The following RNASEH2C variants were observed in gnomAD, a reference collection of about 807,000 sequenced individuals.
RNASEH2C encodes the protein ribonuclease H2 subunit C.
Under a neutral mutation model 16.3 loss-of-function variants are expected in RNASEH2C, and 20 were observed. That is an observed-to-expected ratio of 1.23 (90% CI 0.86 to 1.79). RNASEH2C has a LOEUF of 1.79. RNASEH2C is among the 40% of genes most tolerant of loss of function. RNASEH2C has a pLI of 0.00. For missense variants in RNASEH2C, 296 were observed against 235.9 expected (o/e 1.25, Z -1.67); for synonymous variants, 106 against 98.9 (o/e 1.07, Z -0.43).
chr11:65,718,666 T>C lies in RNASEH2C; in HGVS notation c.*1117A>G, dbSNP rs773497425. On this transcript the variant is annotated 3_prime_UTR_variant, in exon 4 of 4. Transcript: ENST00000308418. ...TCTCAGACCTTGGCCTCCTATCCTA[T>C]CGAAGCTACTGGTCCCAGACCATCC... 1 of 1,614,136 alleles carries C rather than the reference T, an allele frequency of 6.2e-7. No homozygotes were observed. Among genetic ancestry groups the C allele is most frequent in the Non-Finnish European group, 8.5e-7 (1 of 1,180,024 alleles).
At position 65,718,485 on chromosome 11, in the gene RNASEH2C, G is replaced by A. The variant is rs1857282050; in HGVS notation, c.*1298C>T. On this transcript the variant is annotated 3_prime_UTR_variant, in exon 4 of 4. Coordinates refer to ENST00000308418, the MANE Select transcript of RNASEH2C (RefSeq NM_032193.4). ...GGGCATAGAACTGCCAAGTGGCAGGGCCATGATAGGAACTAGGCAGCCTGC... is the reference window on the plus strand; with the variant it reads ...GGGCATAGAACTGCCAAGTGGCAGGACCATGATAGGAACTAGGCAGCCTGC... 1.7e-6 allele frequency: 2 copies of A among 1,174,720 alleles called. No homozygotes were observed. Among genetic ancestry groups the A allele is most frequent in the Non-Finnish European group, 2.4e-6 (2 of 820,630 alleles). The allele number at this position is 1,174,720 out of a possible 1,614,324, so 72.8% of individuals were successfully genotyped here.
chr11:65,720,355 G>C lies in RNASEH2C; in HGVS notation c.235C>G (p.Leu79Val), dbSNP rs1857352526. 8 of 1,614,238 alleles carry C rather than the reference G, an allele frequency of 5.0e-6. No homozygotes were observed. The highest frequency in any genetic ancestry group is 6.8e-6 in the Non-Finnish European group (8 of 1,180,038). Reference sequence around the variant, plus strand: ...TCTGTCACCATCACGTATCCCACGAGGCCAGGCGGCACCGCCACCTCCTCT... The same window carrying C: ...TCTGTCACCATCACGTATCCCACGACGCCAGGCGGCACCGCCACCTCCTCT... ...RGEEVAVPPG[L>V]VGYVMVTEEK... The change falls in exon 2 of 4, where the codon CTC becomes GTC. Residue 79 changes from leucine (L) to valine (V), a missense_variant. By Grantham distance (32) the Leu-to-Val change is conservative (BLOSUM62 1). Coordinates refer to ENST00000308418, the MANE Select transcript of RNASEH2C (RefSeq NM_032193.4).
At position 65,720,434 on chromosome 11, in the gene RNASEH2C, A is replaced by C. The variant is rs1241089363; in HGVS notation, c.173-17T>G. 1 of 1,612,568 alleles carries C rather than the reference A, an allele frequency of 6.2e-7. No individual in the cohort carries two copies. Among genetic ancestry groups the C allele is most frequent in the Non-Finnish European group, 8.5e-7 (1 of 1,180,000 alleles). On this transcript the variant is annotated splice_polypyrimidine_tract_variant and intron_variant, in intron 1 of 3. Transcript: ENST00000308418. Reference sequence around the variant, plus strand: ...CTTCGAGTCCTGGAGCGGGAGGCGCAAAGGGCCTCAGGCAGGACCCACGCT... The same window carrying C: ...CTTCGAGTCCTGGAGCGGGAGGCGCCAAGGGCCTCAGGCAGGACCCACGCT...
Position 65,719,563 on chromosome 11 carries a change from T to A in RNASEH2C, c.*220A>T, listed in dbSNP as rs1710570105. The A allele has an allele frequency of 1.6e-6, 1 of 636,678 alleles. No individual in the cohort carries two copies. Among genetic ancestry groups the A allele is most frequent in the African/African-American group, 1.8e-5 (1 of 54,518 alleles). 39.4% of individuals were successfully genotyped at this position (636,678 alleles called of 1,614,324 possible). On this transcript the variant is annotated 3_prime_UTR_variant, in exon 4 of 4. Coordinates refer to ENST00000308418, the MANE Select transcript of RNASEH2C (RefSeq NM_032193.4). ...TGGCTGCAAAAATTTCTGGCTTCTC[T>A]TACCCCTATTGCCCCCGGCAATAAA... is the stretch of plus-strand genomic sequence containing the variant.
Position 65,718,506 on chromosome 11 carries a change from C to T in RNASEH2C, c.*1277G>A, listed in dbSNP as rs1030290315. 5.5e-6 allele frequency: 8 copies of T among 1,450,378 alleles called. No homozygotes were observed. Among genetic ancestry groups the T allele is most frequent in the Admixed American group, 1.9e-5 (1 of 53,586 alleles). 89.8% of individuals were successfully genotyped at this position (1,450,378 alleles called of 1,614,324 possible). On this transcript the variant is annotated 3_prime_UTR_variant, in exon 4 of 4. Coordinates refer to ENST00000308418, the MANE Select transcript of RNASEH2C (RefSeq NM_032193.4). ...CAGGGCCATGATAGGAACTAGGCAG[C>T]CTGCCTTGGCAACCTGTGTTTTTAA...
At position 65,719,241 on chromosome 11, in the gene RNASEH2C, C is replaced by A; in HGVS notation, c.*542G>T. The A allele has an allele frequency of 1.3e-6, 2 of 1,578,948 alleles. No homozygotes were observed. Among genetic ancestry groups the A allele is most frequent in the South Asian group, 1.1e-5 (1 of 87,796 alleles). ...CAGGACTGGGGCTGATAGCCCACCCCGCCCCCACTGCAGCTCCCACAAAGC... is the reference window on the plus strand; with the variant it reads ...CAGGACTGGGGCTGATAGCCCACCCAGCCCCCACTGCAGCTCCCACAAAGC... On this transcript the variant is annotated 3_prime_UTR_variant, in exon 4 of 4. Coordinates refer to ENST00000308418, the MANE Select transcript of RNASEH2C (RefSeq NM_032193.4).
chr11:65,718,856 C>A lies in RNASEH2C; in HGVS notation c.*927G>T. The A allele has an allele frequency of 6.2e-7, 1 of 1,613,998 alleles. No homozygotes were observed. Among genetic ancestry groups the A allele is most frequent in the Non-Finnish European group, 8.5e-7 (1 of 1,179,866 alleles). ...AGATAAAGGTCCTCAGGGAACCTGACCTGTGCTCTCCCACAGTGAGATTAG... is the reference window on the plus strand; with the variant it reads ...AGATAAAGGTCCTCAGGGAACCTGAACTGTGCTCTCCCACAGTGAGATTAG... On this transcript the variant is annotated 3_prime_UTR_variant, in exon 4 of 4. Coordinates refer to ENST00000308418, the MANE Select transcript of RNASEH2C (RefSeq NM_032193.4).
In RNASEH2C at chr11:65,719,808, A is replaced by G. The variant is rs769367289; in HGVS notation, c.470T>C (p.Ile157Thr). Residue 157 changes from isoleucine to threonine, a missense_variant and splice_region_variant, in exon 4 of 4, where the codon ATT (isoleucine) becomes ACT (threonine). By Grantham distance (89) the Ile-to-Thr change is moderately conservative. Transcript: ENST00000308418. ...TCAGTCCTCGGGCACCTGTGCGTGA[A>G]TCTGCAACAGGAGTCGCCTCTACTG... ...ALTWPSLAAA[I>T]HAQVPED The G allele has an allele frequency of 6.2e-7, 1 of 1,614,138 alleles. No homozygotes were observed. Among genetic ancestry groups the G allele is most frequent in the South Asian group, 1.1e-5 (1 of 91,086 alleles).
Position 65,719,600 on chromosome 11 carries a change from T to C in RNASEH2C, c.*183A>G, listed in dbSNP as rs1332453264. On this transcript the variant is annotated 3_prime_UTR_variant, in exon 4 of 4. Coordinates refer to ENST00000308418, the MANE Select transcript of RNASEH2C (RefSeq NM_032193.4). ...CCCCCGGCAATAAATTGTTTCTATA[T>C]GCCAGAGCCATGCAAAGTTCTTGGT... 1.4e-6 allele frequency: 1 copy of C among 722,596 alleles called. No homozygotes were observed. Among genetic ancestry groups the C allele is most frequent in the Non-Finnish European group, 2.5e-6 (1 of 407,954 alleles). 44.8% of individuals were successfully genotyped at this position (722,596 alleles called of 1,614,324 possible). A position where few individuals can be genotyped will look rare whatever the true frequency, so the allele number is the denominator to read the frequency against.
Position 65,718,818 on chromosome 11 carries a change from G to T in RNASEH2C, c.*965C>A. On this transcript the variant is annotated 3_prime_UTR_variant, in exon 4 of 4. Coordinates refer to ENST00000308418, the MANE Select transcript of RNASEH2C (RefSeq NM_032193.4). The stretch of plus-strand genomic sequence containing the variant: ...TCTGTTCCTGGGCTTTCTCTCTCAG[G>T]GCTCCTGGGGACAGATAAAGGTCCT... 1.1e-5 allele frequency: 18 copies of T among 1,613,620 alleles called. No homozygotes were observed. Among genetic ancestry groups the T allele is most frequent in the Non-Finnish European group, 1.5e-5 (18 of 1,179,762 alleles).
At position 65,720,173 on chromosome 11, in the gene RNASEH2C, G is replaced by C. The variant is rs535966679; in HGVS notation, c.349-9C>G. On this transcript the variant is annotated splice_polypyrimidine_tract_variant and intron_variant, in intron 2 of 3. Transcript: ENST00000308418. Reference sequence around the variant, plus strand: ...GCTCCAATGAAGCGGTCCTGGGGAAGGGGCCTGGCTCAGCATCGGGACTAC... The same window carrying C: ...GCTCCAATGAAGCGGTCCTGGGGAACGGGCCTGGCTCAGCATCGGGACTAC... 58 of 1,614,156 alleles carry C rather than the reference G, an allele frequency of 3.6e-5. No homozygotes were observed. The highest frequency in any genetic ancestry group is 4.7e-5 in the Non-Finnish European group (56 of 1,180,058).
chr11:65,720,203 C>T (rs1857348301), intron 2 of RNASEH2C, 39 bp from the exon 3 acceptor site: 1 of 1,614,252 alleles, frequency 6.2e-7, no homozygotes, highest in Non-Finnish European at 8.5e-7. Flanking sequence ...GACTACAGCT[C>T]CCGCCCGCAC....
At position 65,720,172 on chromosome 11, in the gene RNASEH2C, A is replaced by AG. The variant is rs1857347563; in HGVS notation, c.349-9dup. 6.2e-7 allele frequency: 1 copy of AG among 1,614,112 alleles called. No individual in the cohort carries two copies. The highest frequency in any genetic ancestry group is 1.1e-5 in the South Asian group (1 of 91,094). Reference sequence around the variant, plus strand: ...GGCTCCAATGAAGCGGTCCTGGGGAAGGGGCCTGGCTCAGCATCGGGACTA... The same window carrying AG: ...GGCTCCAATGAAGCGGTCCTGGGGAAGGGGGCCTGGCTCAGCATCGGGACTA... On this transcript the variant is annotated splice_polypyrimidine_tract_variant and intron_variant, in intron 2 of 3. Transcript: ENST00000308418.
At position 65,718,856 on chromosome 11, in the gene RNASEH2C, C is replaced by T; in HGVS notation, c.*927G>A. The T allele has an allele frequency of 6.2e-7, 1 of 1,613,998 alleles. No individual in the cohort carries two copies. The highest frequency in any genetic ancestry group is 8.5e-7 in the Non-Finnish European group (1 of 1,179,866). On this transcript the variant is annotated 3_prime_UTR_variant, in exon 4 of 4. Coordinates refer to ENST00000308418, the MANE Select transcript of RNASEH2C (RefSeq NM_032193.4). ...AGATAAAGGTCCTCAGGGAACCTGA[C>T]CTGTGCTCTCCCACAGTGAGATTAG...
rs112903919 is a variant in RNASEH2C at position 65,718,776 on chromosome 11, G to C, written c.*1007C>G. ...TGAGCCTGGCGCTGTCTACCTGGGG[G>C]TACATGGCATGGCTTGTCTGTTCCT... On this transcript the variant is annotated 3_prime_UTR_variant, in exon 4 of 4. Coordinates refer to ENST00000308418, the MANE Select transcript of RNASEH2C (RefSeq NM_032193.4). 2,721 of 1,614,100 alleles carry C rather than the reference G, an allele frequency of 1.7e-3. 43 individuals carry two copies. The African/African-American group carries it at 0.034, about 20-fold the overall frequency.
At chr11:65,720,468 C>T in intron 1 of RNASEH2C, 51 bp from the exon 2 acceptor site, 3 of 1,602,222 alleles carry the variant, frequency 1.9e-6, no homozygotes, top group African/African-American at 1.3e-5. Flanking sequence ...CTGGGTCGAG[C>T]CCGGAGCTGC....
rs891184384 is a variant in RNASEH2C, at chr11:65,720,135, G to T, written c.378C>A (p.Phe126Leu). The part of the protein sequence containing the change: ...FDRFIGATAN[F>L]SRFTLWGLET... ...CCAGACCCCACAGGGTGAAGCGGCT[G>T]AAGTTGGCAGTGGCTCCAATGAAGC... The change falls in exon 3 of 4, where the codon TTC (phenylalanine) becomes TTA (leucine). Residue 126 changes from phenylalanine to leucine, a missense_variant. By Grantham distance (22) the Phe-to-Leu change is conservative. Transcript: ENST00000308418. 6.2e-7 allele frequency: 1 copy of T among 1,614,270 alleles called. No individual in the cohort carries two copies. The highest frequency in any genetic ancestry group is 1.1e-5 in the South Asian group (1 of 91,088).
rs755605852 is a variant in RNASEH2C at position 65,718,857 on chromosome 11, C to G, written c.*926G>C. On this transcript the variant is annotated 3_prime_UTR_variant, in exon 4 of 4. Transcript: ENST00000308418. The stretch of plus-strand genomic sequence containing the variant: ...GATAAAGGTCCTCAGGGAACCTGAC[C>G]TGTGCTCTCCCACAGTGAGATTAGT... 1.2e-6 allele frequency: 2 copies of G among 1,614,062 alleles called. No homozygotes were observed. Among genetic ancestry groups the G allele is most frequent in the Admixed American group, 3.3e-5 (2 of 60,022 alleles).
At position 65,719,747 on chromosome 11, in the gene RNASEH2C, G is replaced by C; in HGVS notation, c.*36C>G. 6.2e-7 allele frequency: 1 copy of C among 1,612,334 alleles called. No individual in the cohort carries two copies. The highest frequency in any genetic ancestry group is 8.5e-7 in the Non-Finnish European group (1 of 1,178,516). On this transcript the variant is annotated 3_prime_UTR_variant, in exon 4 of 4. Transcript: ENST00000308418. Reference sequence around the variant, plus strand: ...TTCCAAAGAGCTGGTTTACTGCTGTGAAGGGATCGCAGCTTTGAATTTCAA... The same window carrying C: ...TTCCAAAGAGCTGGTTTACTGCTGTCAAGGGATCGCAGCTTTGAATTTCAA...
Sources: gnomAD v4.1 joint callset for allele counts on GRCh38, gnomAD v4.1.1 for gene constraint, MANE v1.5 for transcripts, NCBI Gene and HGNC (gene_info 2026-07-23, HGNC 2026-07-21) for gene names.